NCKAP5: variants seen among roughly 807,000 people sequenced by gnomAD.
NCKAP5 encodes the protein nck-associated protein 5.
Under a neutral mutation model 167.0 loss-of-function variants are expected in NCKAP5, and 92 were observed. The ratio of observed to expected loss-of-function variants is 0.55; its 90% CI spans 0.47 to 0.66. NCKAP5 has a LOEUF of 0.66. Among genes scored for constraint, NCKAP5 ranks in the 30% least tolerant of loss-of-function variants. The pLI, the probability that NCKAP5 is intolerant of heterozygous loss-of-function variation, is 0.00. For missense variants in NCKAP5, 2,378 were observed against 2,315.0 expected, an observed-to-expected ratio of 1.03 and a Z score of -0.56; for synonymous variants, 891 against 877.4, an observed-to-expected ratio of 1.02 and a Z score of -0.27.
At chr2:132,996,810 T>C (rs1481436145) in intron 6 of NCKAP5, among the ~76,000 whole-genome samples, 1 of 152,228 alleles carries the variant, frequency 6.6e-6, no homozygotes. Flanking sequence ...CAGACACTCA[T>C]CCTGTATGTT....
chr2:133,602,964 T>C, the NCKAP5 span, among the ~76,000 whole-genome samples: 1 of 152,178 alleles, frequency 6.6e-6, no homozygotes, highest in Non-Finnish European at 1.5e-5. Context: ...CTTTCTTCAC[T>C]GGGTAGCAGG....
chr2:133,487,793 G>C (rs1426587321), intron 3 of NCKAP5, among the ~76,000 whole-genome samples: 1 of 152,172 alleles, frequency 6.6e-6, no homozygotes, highest in Non-Finnish European at 1.5e-5. Context: ...TACAGCAGTA[G>C]CACCCAGAAA....
At chr2:133,078,371 C>T (rs1009209018) in intron 6 of NCKAP5, among the ~76,000 whole-genome samples, 3 of 152,192 alleles carry the variant, frequency 2.0e-5, no homozygotes, top group Admixed American at 6.5e-5. Context: ...AACTCACCTG[C>T]TGTACACTGC....
intron 11 of NCKAP5, among the ~76,000 whole-genome samples, chr2:132,840,487 G>T (rs1389860646): frequency 3.9e-5 from 6 of 152,042 alleles, no homozygotes. Context: ...ATGTTGGTCA[G>T]ACTGGTCTCA....
chr2:133,467,325 T>G (rs1176089349), intron 3 of NCKAP5, among the ~76,000 whole-genome samples: 1 of 152,138 alleles, frequency 6.6e-6, no homozygotes, highest in African/African-American at 2.4e-5. Context: ...TTGATTTGCA[T>G]ATATTGAACC....
chr2:133,094,156 T>C (rs1559133110), intron 6 of NCKAP5, among the ~76,000 whole-genome samples: 1 of 152,150 alleles, frequency 6.6e-6, no homozygotes, highest in Non-Finnish European at 1.5e-5. Flanking sequence ...CACCAACTAG[T>C]GAACATTGTC....
At chr2:132,725,904 G>A (rs1690414147) in intron 18 of NCKAP5, 145 bp from the exon 19 acceptor site, 7 of 850,636 alleles carry the variant, frequency 8.2e-6, no homozygotes, top group South Asian at 5.4e-5. Context: ...CCGCTCACCC[G>A]AGAGCAACTC....
At chr2:133,419,603 C>T (rs192211189) in intron 3 of NCKAP5, among the ~76,000 whole-genome samples, 32 of 152,260 alleles carry the variant, frequency 2.1e-4, no homozygotes, top group African/African-American at 5.5e-4. Flanking sequence ...CACTCCCTAA[C>T]GTCTCCCTGA....
intron 5 of NCKAP5, among the ~76,000 whole-genome samples, chr2:133,189,678 A>C (rs535636835): frequency 6.6e-6 from 1 of 152,232 alleles, no homozygotes; most frequent in Non-Finnish European, 1.5e-5. Context: ...AACAAAAGAC[A>C]AAAATCACAT....
intron 6 of NCKAP5, among the ~76,000 whole-genome samples, chr2:133,051,021 C>G (rs967183332): frequency 6.6e-6 from 1 of 152,138 alleles, no homozygotes; most frequent in Non-Finnish European, 1.5e-5. Flanking sequence ...AATTTGAATC[C>G]TTTAATACTC....
At chr2:133,350,735 C>T (rs534062914) in intron 3 of NCKAP5, among the ~76,000 whole-genome samples, 13 of 152,218 alleles carry the variant, frequency 8.5e-5, no homozygotes, top group South Asian at 6.3e-4. Context: ...TTTTGTTTTA[C>T]ACCTGTCCCC....
At position 133,465,253 on chromosome 2, in the gene NCKAP5, G is replaced by A. The variant is rs183709574; in HGVS notation, c.69+52205C>T. On this transcript the variant is annotated intron_variant, in intron 3 of 19. Coordinates refer to ENST00000409261, the MANE Select transcript of NCKAP5 (RefSeq NM_207363.3). ...AATTCCCACCTATGAGTGAGAATATGCGGTGTTTGGTTTTCTGTTCTTGAG... is the reference window on the plus strand; with the variant it reads ...AATTCCCACCTATGAGTGAGAATATACGGTGTTTGGTTTTCTGTTCTTGAG... Among the ~76,000 whole-genome samples, 779 of 148,538 alleles carry A rather than the reference G, an allele frequency of 5.2e-3. 15 individuals carry two copies. Among genetic ancestry groups the A allele is most frequent in the Admixed American group, 0.03 (430 of 14,496 alleles).
chr2:133,672,447 A>G, the NCKAP5 span, among the ~76,000 whole-genome samples: 2 of 152,272 alleles, frequency 1.3e-5, no homozygotes, highest in South Asian at 4.1e-4. Flanking sequence ...CATCACCATA[A>G]CATTCATGCA....
intron 19 of NCKAP5, among the ~76,000 whole-genome samples, chr2:132,689,020 A>G (rs933976369): frequency 6.6e-6 from 1 of 151,830 alleles, no homozygotes; most frequent in Non-Finnish European, 1.5e-5. Context: ...CTTTCCAAAA[A>G]GATTCTCTAC....
chr2:133,234,042 G>A (rs1372817390), intron 4 of NCKAP5, among the ~76,000 whole-genome samples: 2 of 152,162 alleles, frequency 1.3e-5, no homozygotes, highest in African/African-American at 4.8e-5. Context: ...GCAAACACAG[G>A]CTCCAAACTG....
intron 5 of NCKAP5, among the ~76,000 whole-genome samples, chr2:133,205,291 T>TTAGATAGATAGA (rs36008566): frequency 0.043 from 6,370 of 149,708 alleles, 261 homozygotes; most frequent in African/African-American, 0.097. Flanking sequence ...GACTCTGAAA[T>TTAGATAGATAGA]TAGATAGATA....
chr2:133,303,781 TAAAG>T (rs1224620175), intron 3 of NCKAP5, among the ~76,000 whole-genome samples: 6 of 152,166 alleles, frequency 3.9e-5, no homozygotes, highest in African/African-American at 1.4e-4. Flanking sequence ...GAAAAAAAAT[TAAAG>T]AATTCACGTG....
intron 3 of NCKAP5, among the ~76,000 whole-genome samples, chr2:133,427,051 G>A (rs1014516418): frequency 6.6e-6 from 1 of 152,120 alleles, no homozygotes; most frequent in African/African-American, 2.4e-5. Flanking sequence ...GCAGTAGGGA[G>A]AGCCATGCAA....
At chr2:133,213,671 G>A (rs769181873) in intron 5 of NCKAP5, 45 bp downstream of exon 5, 11 of 1,596,058 alleles carry the variant, frequency 6.9e-6, no homozygotes, top group Admixed American at 3.4e-5. Flanking sequence ...TCAAGCCAGA[G>A]ACCTCTGGAT....
Sources: gnomAD v4.1 joint callset for allele counts (sites outside exome capture counted in the v4.1 genomes callset) on GRCh38, gnomAD v4.1.1 for gene constraint, MANE v1.5 for transcripts, NCBI Gene and HGNC (gene_info 2026-07-23, HGNC 2026-07-21) for gene names.